Variants in RAB3GAP2 observed in about 807,000 individuals in gnomAD.
RAB3GAP2 encodes RAB3 GTPase activating non-catalytic protein subunit 2.
RAB3GAP2 carries 87 observed loss-of-function variants against 185.3 expected under a neutral mutation model. That is an observed-to-expected ratio of 0.47 (90% CI 0.39 to 0.56). The LOEUF is 0.56. Ranked by LOEUF, RAB3GAP2 falls within the 20% of genes least tolerant of loss-of-function variation. The pLI is 0.00. For synonymous variants in RAB3GAP2, 554 were observed against 576.1 expected (o/e 0.96, Z 0.55); for missense variants, 1,492 against 1,638.2 (o/e 0.91, Z 1.54).
At chr1:220,208,324 A>G (rs1659008432) in intron 7 of RAB3GAP2, 1 of 152,176 alleles carries the variant, frequency 6.6e-6, no homozygotes, top group Admixed American at 6.5e-5. Context: ...GTTTCCTTTA[A>G]TAGTTCAATT....
chr1:220,201,276 G>A (rs934824713), intron 9 of RAB3GAP2, among the ~76,000 whole-genome samples: 3 of 151,906 alleles, frequency 2.0e-5, no homozygotes, highest in African/African-American at 7.3e-5. Context: ...GAACTCTTGG[G>A]CTCAAGAGAT....
chr1:220,232,644 T>G (rs943254708), intron 2 of RAB3GAP2, among the ~76,000 whole-genome samples, 155 bp downstream of exon 2: 2 of 152,230 alleles, frequency 1.3e-5, no homozygotes, highest in Non-Finnish European at 2.9e-5. Flanking sequence ...ATTAAGTTCC[T>G]TAAGAAGAGG....
chr1:220,221,535 C>T (rs1035643211), intron 2 of RAB3GAP2, among the ~76,000 whole-genome samples: 3 of 152,116 alleles, frequency 2.0e-5, no homozygotes, highest in East Asian at 3.9e-4. Flanking sequence ...TGAATGAATG[C>T]ACCTATAAAA....
At position 220,245,472 on chromosome 1, in the gene RAB3GAP2, C is replaced by T. The variant is rs12071973; in HGVS notation, c.116-12609G>A. 2.4e-3 allele frequency among the ~76,000 whole-genome samples: 361 copies of T among 152,322 alleles called. 4 individuals carry two copies. The highest frequency in any genetic ancestry group is 7.7e-3 in the African/African-American group (319 of 41,570). On this transcript the variant is annotated intron_variant, in intron 1 of 34. Transcript: ENST00000358951. ...GCGCTTTTCAGACAGGCTTAAAAAA[C>T]GGCGCACCACGAGATTATATCCCAC...
chr1:220,197,367 T>C (rs2102872912), intron 9 of RAB3GAP2, among the ~76,000 whole-genome samples: 1 of 152,284 alleles, frequency 6.6e-6, no homozygotes, highest in South Asian at 2.1e-4. Flanking sequence ...GCCTGAAAAC[T>C]GTCAAAAAAT....
At chr1:220,168,505 ATCCTGTC>A (rs1215029091) in intron 24 of RAB3GAP2, among the ~76,000 whole-genome samples, 5 of 151,390 alleles carry the variant, frequency 3.3e-5, no homozygotes, top group Admixed American at 3.3e-4. Flanking sequence ...ACAAGGGATT[ATCCTGTC>A]TCAGGCTCCC....
At chr1:220,188,405 G>A (rs1192871039) in intron 17 of RAB3GAP2, among the ~76,000 whole-genome samples, 5 of 152,242 alleles carry the variant, frequency 3.3e-5, no homozygotes, top group Admixed American at 6.5e-5. Context: ...CATGGGGATC[G>A]AAGCATTATG....
chr1:220,175,863 T>C (rs1558145137), intron 21 of RAB3GAP2, among the ~76,000 whole-genome samples: 1 of 152,206 alleles, frequency 6.6e-6, no homozygotes, highest in African/African-American at 2.4e-5. Context: ...CTAGAGTGTG[T>C]TTTTCCTGTT....
chr1:220,173,635 T>A (rs1658220682), intron 21 of RAB3GAP2, among the ~76,000 whole-genome samples: 1 of 152,198 alleles, frequency 6.6e-6, no homozygotes, highest in African/African-American at 2.4e-5. Context: ...CATCACCTCC[T>A]TTTATCCTAA....
chr1:220,161,043 C>T (rs892949728), intron 28 of RAB3GAP2, among the ~76,000 whole-genome samples: 1 of 152,192 alleles, frequency 6.6e-6, no homozygotes, highest in African/African-American at 2.4e-5. Context: ...TGCTGTGAAA[C>T]TACAAATTGT....
At chr1:220,193,941 G>C (rs957463143) in intron 12 of RAB3GAP2, among the ~76,000 whole-genome samples, 1 of 152,094 alleles carries the variant, frequency 6.6e-6, no homozygotes, top group African/African-American at 2.4e-5. Flanking sequence ...AAAAGTCCCT[G>C]AAACAAAGGT....
intron 1 of RAB3GAP2, chr1:220,266,826 A>G (rs1262406101): frequency 1.9e-6 from 3 of 1,596,898 alleles, no homozygotes; most frequent in Non-Finnish European, 1.7e-6. Context: ...ACATGCTTCA[A>G]CAGTCTTGAA....
intron 3 of RAB3GAP2, 78 bp downstream of exon 3, chr1:220,213,764 AATAAAAAGCATTAT>A (rs1428806748): frequency 1.4e-6 from 2 of 1,384,906 alleles, no homozygotes; most frequent in African/African-American, 2.9e-5. Context: ...GAAATAAATA[AATAAAAAGCATTAT>A]ATTCTTTTCA....
At chr1:220,237,799 T>C (rs78706652) in intron 1 of RAB3GAP2, among the ~76,000 whole-genome samples, 10,478 of 152,150 alleles carry the variant, frequency 0.069, 481 homozygotes, top group South Asian at 0.12. Context: ...TTCACTGGTA[T>C]GCAATCTTGA....
chr1:220,242,471 A>C (rs563211555), intron 1 of RAB3GAP2, among the ~76,000 whole-genome samples: 11 of 151,896 alleles, frequency 7.2e-5, no homozygotes, highest in East Asian at 1.9e-4. Context: ...CAAAAAAAAA[A>C]CTGGAAACTA....
chr1:220,151,942 C>A (rs958293411), intron 33 of RAB3GAP2, among the ~76,000 whole-genome samples, 178 bp from the exon 34 acceptor site: 3 of 152,178 alleles, frequency 2.0e-5, no homozygotes, highest in Admixed American at 1.3e-4. Context: ...ACCCAAATTT[C>A]TGTTCCTTGG....
chr1:220,159,312 T>C lies in RAB3GAP2; in HGVS notation c.3261+74A>G, dbSNP rs377543043. On this transcript the variant is annotated intron_variant, in intron 29 of 34. Coordinates refer to ENST00000358951, the MANE Select transcript of RAB3GAP2 (RefSeq NM_012414.4). ...ACAATGATAAAAGGCAAAGTTCACC[T>C]ATACAGTTAATAAAGTACTACATAA... 2.6e-5 allele frequency: 32 copies of C among 1,248,398 alleles called. No homozygotes were observed. The East Asian group carries it at 4.4e-4, about 17-fold the overall frequency. 77.3% of individuals were successfully genotyped at this position (1,248,398 alleles called of 1,614,324 possible). A position where few individuals can be genotyped will look rare whatever the true frequency, so the allele number is the denominator to read the frequency against.
intron 1 of RAB3GAP2, among the ~76,000 whole-genome samples, chr1:220,269,089 C>A (rs1660286041): frequency 6.6e-6 from 1 of 152,100 alleles, no homozygotes; most frequent in African/African-American, 2.4e-5. Context: ...CAAGTAGGAA[C>A]AAGGGGGTTG....
chr1:220,218,068 T>G (rs2102884358), intron 2 of RAB3GAP2, among the ~76,000 whole-genome samples: 1 of 152,360 alleles, frequency 6.6e-6, no homozygotes, highest in East Asian at 1.9e-4. Flanking sequence ...TAATCAATTA[T>G]GATATCCCTA....
Sources: allele counts gnomAD v4.1 joint callset (sites outside exome capture counted in the v4.1 genomes callset), GRCh38; gene constraint gnomAD v4.1.1; transcripts MANE v1.5; gene names NCBI Gene and HGNC (gene_info 2026-07-23, HGNC 2026-07-21).